The following MICU3 variants were observed in gnomAD, a reference collection of about 807,000 sequenced individuals.
MICU3 encodes the protein mitochondrial calcium uptake 3, also known as calcium uptake protein 3, mitochondrial.
A neutral mutation model predicts 66.5 loss-of-function variants in MICU3; 62 were observed. That is an observed-to-expected ratio of 0.93 (90% confidence interval 0.76 to 1.15). The LOEUF is 1.15. Among genes scored for constraint, MICU3 ranks in the 50% most tolerant of loss-of-function variants. MICU3 has a pLI of 0.00. For synonymous variants in MICU3, 308 were observed against 240.7 expected (o/e 1.28, Z -2.59); for missense variants, 779 against 664.4 (o/e 1.17, Z -1.90).
At chr8:17,029,837 C>A (rs972112327) in intron 1 of MICU3, among the ~76,000 whole-genome samples, 1 of 151,458 alleles carries the variant, frequency 6.6e-6, no homozygotes, top group Non-Finnish European at 1.5e-5. Flanking sequence ...TGATTTTTCT[C>A]TTCTCCCTCT....
chr8:17,090,638 T>C (rs1012128830), intron 8 of MICU3, 54 bp downstream of exon 8: 2 of 1,340,518 alleles, frequency 1.5e-6, no homozygotes, highest in Non-Finnish European at 2.1e-6. Flanking sequence ...CCTGTTATAC[T>C]TGATAATGTT....
In MICU3 at chr8:17,121,510, C is replaced by T. The variant is rs555324159; in HGVS notation, c.*1223C>T. ...ACTACACAAAAATAGAACAATTAGT[C>T]TGAATTAACGTATTTACATATTGCA... On this transcript the variant is annotated 3_prime_UTR_variant, in exon 15 of 15. Transcript: ENST00000318063. 145 of 152,098 alleles carry T rather than the reference C, an allele frequency of 9.5e-4. No individual in the cohort carries two copies. Among genetic ancestry groups the T allele is most frequent in the African/African-American group, 3.4e-3 (142 of 41,500 alleles). 9.4% of individuals were successfully genotyped at this position (152,098 alleles called of 1,614,324 possible).
At chr8:17,084,686 C>CT (rs1308770223) in intron 5 of MICU3, among the ~76,000 whole-genome samples, 1 of 152,058 alleles carries the variant, frequency 6.6e-6, no homozygotes, top group Non-Finnish European at 1.5e-5. Context: ...ATGTGAAAGT[C>CT]TTTTTCAGAA....
At chr8:17,123,959 A>C (rs936975281), downstream of MICU3, among the ~76,000 whole-genome samples, 48 of 151,242 alleles carry the variant, frequency 3.2e-4, no homozygotes, top group African/African-American at 1.0e-3. Flanking sequence ...AAAAAAAAAA[A>C]AAAAAACCAC....
chr8:17,133,453 A>G, the MICU3 span, among the ~76,000 whole-genome samples: 5 of 152,152 alleles, frequency 3.3e-5, no homozygotes, highest in Non-Finnish European at 5.9e-5. Context: ...TGGCTGTCCT[A>G]TAAGTTGCAC....
At chr8:17,105,703 G>T in intron 11 of MICU3, 119 bp downstream of exon 11, 1 of 504,354 alleles carries the variant, frequency 2.0e-6, no homozygotes, top group Non-Finnish European at 3.4e-6. Context: ...TCTTGGATGT[G>T]TTTCATTCTG....
At chr8:17,112,168 G>T (rs1263298043) in intron 11 of MICU3, among the ~76,000 whole-genome samples, 1 of 152,148 alleles carries the variant, frequency 6.6e-6, no homozygotes, top group Non-Finnish European at 1.5e-5. Context: ...TGAGATTTGG[G>T]TGGGGACACA....
At chr8:17,086,607 T>C (rs1195330195) in intron 6 of MICU3, among the ~76,000 whole-genome samples, 2 of 152,086 alleles carry the variant, frequency 1.3e-5, no homozygotes, top group African/African-American at 4.8e-5. Flanking sequence ...AATGGGCCTG[T>C]TTTTCTGCAG....
the MICU3 span, among the ~76,000 whole-genome samples, chr8:17,130,018 C>G: frequency 6.6e-6 from 1 of 152,066 alleles, no homozygotes; most frequent in South Asian, 2.1e-4. Context: ...GTAAAATAGT[C>G]TTTTAAAATA....
intron 1 of MICU3, among the ~76,000 whole-genome samples, chr8:17,039,851 G>T (rs1041172380): frequency 2.8e-5 from 4 of 144,070 alleles, no homozygotes; most frequent in African/African-American, 1.0e-4. Flanking sequence ...ATATATTGTT[G>T]AGTGATTAAA....
chr8:17,086,580 A>G (rs1374409007), intron 6 of MICU3, among the ~76,000 whole-genome samples: 1 of 152,096 alleles, frequency 6.6e-6, no homozygotes, highest in Non-Finnish European at 1.5e-5. Context: ...ACACAACTGT[A>G]TTTTAGGAAC....
intron 1 of MICU3, among the ~76,000 whole-genome samples, chr8:17,028,235 A>T (rs942771586): frequency 9.9e-5 from 15 of 152,208 alleles, no homozygotes; most frequent in African/African-American, 3.6e-4. Context: ...AAAGAGACAT[A>T]AGTATTTCTC....
At chr8:17,037,104 G>C (rs533469532) in intron 1 of MICU3, among the ~76,000 whole-genome samples, 14 of 152,326 alleles carry the variant, frequency 9.2e-5, no homozygotes, top group South Asian at 2.1e-4. Context: ...CTGGCCGGCT[G>C]CTCCGACTGC....
At chr8:17,030,742 A>G (rs531155669) in intron 1 of MICU3, among the ~76,000 whole-genome samples, 6 of 152,260 alleles carry the variant, frequency 3.9e-5, no homozygotes, top group East Asian at 1.9e-4. Flanking sequence ...TTTTAGCCCA[A>G]CTACTTACTC....
At chr8:17,042,810 G>A (rs1814386579) in intron 1 of MICU3, among the ~76,000 whole-genome samples, 2 of 151,956 alleles carry the variant, frequency 1.3e-5, no homozygotes, top group South Asian at 4.1e-4. Context: ...TTTCCTGTCT[G>A]ATAAGGATGA....
At chr8:17,109,561 G>A (rs1448511279) in intron 11 of MICU3, among the ~76,000 whole-genome samples, 1 of 152,024 alleles carries the variant, frequency 6.6e-6, no homozygotes, top group East Asian at 1.9e-4. Flanking sequence ...GTGTGAAAAG[G>A]GCATGATTTA....
intron 1 of MICU3, among the ~76,000 whole-genome samples, chr8:17,032,358 G>A (rs926457843): frequency 1.3e-5 from 2 of 151,746 alleles, no homozygotes; most frequent in Non-Finnish European, 2.9e-5. Context: ...AAAAAATTTT[G>A]TTCTAGAACT....
intron 7 of MICU3, 69 bp from the exon 8 acceptor site, chr8:17,090,477 T>C: frequency 1.3e-5 from 18 of 1,401,964 alleles, no homozygotes; most frequent in Non-Finnish European, 1.8e-5. Context: ...TTTTTCCTTT[T>C]TTCTTTTGCT....
At chr8:17,063,124 A>C (rs1818127826) in intron 1 of MICU3, among the ~76,000 whole-genome samples, 1 of 152,192 alleles carries the variant, frequency 6.6e-6, no homozygotes, top group South Asian at 2.1e-4. Context: ...TAAAAAGGTC[A>C]GATTACTGAA....
Sources: allele counts gnomAD v4.1 joint callset (sites outside exome capture counted in the v4.1 genomes callset), GRCh38; gene constraint gnomAD v4.1.1; transcripts MANE v1.5; gene names NCBI Gene and HGNC (gene_info 2026-07-23, HGNC 2026-07-21).